XPC: variants seen among roughly 807,000 people sequenced by gnomAD.
XPC encodes XPC complex subunit, DNA damage recognition and repair factor.
XPC carries 76 observed loss-of-function variants against 95.8 expected under a neutral mutation model. The ratio of observed to expected loss-of-function variants is 0.79; its 90% CI spans 0.66 to 0.96. The LOEUF (loss-of-function observed/expected upper bound fraction) is 0.96, where lower values mean the gene tolerates loss of function less well. XPC is among the 40% of genes least tolerant of loss of function. The pLI is 0.00. For missense variants in XPC, 1,146 were observed against 1,179.8 expected (o/e 0.97, Z 0.42); for synonymous variants, 442 against 442.1 (o/e 1.00, Z 0.00).
Position 14,158,747 on chromosome 3 carries a change from G to T in XPC, c.1136C>A (p.Pro379Gln). Residue 379 changes from proline (P) to glutamine (Q), a missense_variant, in exon 9 of 16, where the codon CCA (proline) becomes CAA (glutamine). Physicochemically the swap from Pro to Gln is moderately conservative, Grantham distance 76 (BLOSUM62 -1). Coordinates refer to ENST00000285021, the MANE Select transcript of XPC (RefSeq NM_004628.5). The surrounding 1 kb of genome is among the most constrained non-coding windows in gnomAD (Gnocchi z 5.2). ...EETFAKGTCR[P>Q]SAKGKRNKGG... ...CTTGTTCCTCTTCCCTTTGGCACTT[G>T]GCCTGCAGGTGCCCTTAGCAAAGGT... 1 of 1,613,804 alleles carries T rather than the reference G, an allele frequency of 6.2e-7. No individual in the cohort carries two copies. Among genetic ancestry groups the T allele is most frequent in the Admixed American group, 1.7e-5 (1 of 60,014 alleles).
Position 14,158,256 on chromosome 3 carries a change from C to T in XPC, c.1627G>A (p.Val543Ile). ...EVFCEQEEKW[V>I]CVDCVHGVVG... Reference sequence around the variant, plus strand: ...ACACCGTGCACACAGTCTACACATACCCACTTTTCCTCCTGCTCACAGAAC... The same window carrying T: ...ACACCGTGCACACAGTCTACACATATCCACTTTTCCTCCTGCTCACAGAAC... Residue 543 changes from valine (V) to isoleucine (I), a missense_variant, in exon 9 of 16, where the codon GTA (valine) becomes ATA (isoleucine). By Grantham distance (29) the Val-to-Ile change is conservative. Transcript: ENST00000285021. The surrounding 1 kb of genome is among the most constrained non-coding windows in gnomAD (Gnocchi z 5.2). 1 of 1,614,030 alleles carries T rather than the reference C, an allele frequency of 6.2e-7. No homozygotes were observed. The highest frequency in any genetic ancestry group is 8.5e-7 in the Non-Finnish European group (1 of 1,179,900).
intron 13 of XPC, 130 bp downstream of exon 13, chr3:14,148,432 T>C: frequency 1.6e-6 from 2 of 1,283,792 alleles, no homozygotes; most frequent in Admixed American, 2.8e-5. Context: ...GCAAATCCAG[T>C]GTAACATCCT....
At position 14,178,441 on chromosome 3, in the gene XPC, G is replaced by A. The variant is rs1366435393; in HGVS notation, c.103+25C>T. 5 of 1,582,136 alleles carry A rather than the reference G, an allele frequency of 3.2e-6. No homozygotes were observed. The Admixed American group carries it at 8.8e-5, about 28-fold the overall frequency. On this transcript the variant is annotated intron_variant, in intron 1 of 15. Transcript: ENST00000285021. ...TCCGCCCACCGGCGGCGTCTCCCGC[G>A]AAGCCCGCTGGGCCTCGCTCTCACC...
At chr3:14,173,193 CCT>C (rs1417914345) in intron 1 of XPC, 131 bp from the exon 2 acceptor site, 20 of 862,570 alleles carry the variant, frequency 2.3e-5, no homozygotes, top group Admixed American at 1.8e-4. Context: ...TTCACCATCC[CCT>C]GTCTGGTCAG....
intron 3 of XPC, among the ~76,000 whole-genome samples, chr3:14,169,206 T>C (rs1696512581): frequency 6.6e-6 from 1 of 152,188 alleles, no homozygotes; most frequent in Admixed American, 6.5e-5. Context: ...AAAGGTAGCA[T>C]GACTAGAAGA....
Position 14,167,034 on chromosome 3 carries a change from G to A in XPC, c.621+135C>T, listed in dbSNP as rs1696408115. On this transcript the variant is annotated intron_variant, in intron 5 of 15. Coordinates refer to ENST00000285021, the MANE Select transcript of XPC (RefSeq NM_004628.5). ...CTATTACTACCCCCACCTCCCAGAT[G>A]AGGATGCAAAGGCTCAGAGAGAGTA... 7.6e-6 allele frequency: 5 copies of A among 655,576 alleles called. No homozygotes were observed. The South Asian group carries it at 9.9e-5, about 13-fold the overall frequency. The allele number at this position is 655,576 out of a possible 1,614,324, so 40.6% of individuals were successfully genotyped here.
At chr3:14,174,435 T>TA (rs1348632548) in intron 1 of XPC, among the ~76,000 whole-genome samples, 3 of 152,064 alleles carry the variant, frequency 2.0e-5, no homozygotes, top group African/African-American at 4.8e-5. Context: ...TCTACTAATC[T>TA]AAAAAAATGC....
At position 14,148,122 on chromosome 3, in the gene XPC, C is replaced by T. The variant is rs543293245; in HGVS notation, c.2421-121G>A. The T allele has an allele frequency of 1.1e-5, 9 of 843,716 alleles. No individual in the cohort carries two copies. The East Asian group carries it at 1.4e-4, about 13-fold the overall frequency. The allele number at this position is 843,716 out of a possible 1,614,324, so 52.3% of individuals were successfully genotyped here. On this transcript the variant is annotated intron_variant, in intron 13 of 15. Coordinates refer to ENST00000285021, the MANE Select transcript of XPC (RefSeq NM_004628.5). The stretch of plus-strand genomic sequence containing the variant: ...GCACTAGGGGTCCTGAAGGATGTCG[C>T]GGGTCAGCCAGTGTCCCACATCCTC...
chr3:14,168,530 C>T (rs1559381867), intron 3 of XPC, 150 bp from the exon 4 acceptor site: 3 of 926,802 alleles, frequency 3.2e-6, no homozygotes, highest in Non-Finnish European at 4.8e-6. Flanking sequence ...ATGCCTTGCC[C>T]TGAGTCCTAC....
Position 14,148,683 on chromosome 3 carries a change from T to A in XPC, c.2299A>T (p.Met767Leu). The change falls in exon 13 of 16, where the codon ATG becomes TTG. Residue 767 changes from methionine (M) to leucine (L), a missense_variant. Physicochemically the swap from Met to Leu is conservative, Grantham distance 15. Transcript: ENST00000285021. The stretch of plus-strand genomic sequence containing the variant: ...TTCAGCTGGACACAGCCAATAGGCA[T>A]CATGCTGGGCAGGAAGAGGTACACA... ...GNVYLFLPSM[M>L]PIGCVQLNLP... is the part of the protein sequence containing the mutation. The A allele has an allele frequency of 6.2e-7, 1 of 1,614,030 alleles. No homozygotes were observed. Among genetic ancestry groups the A allele is most frequent in the Non-Finnish European group, 8.5e-7 (1 of 1,179,878 alleles).
In XPC at chr3:14,147,956, C is replaced by A. The variant is rs1251362964; in HGVS notation, c.2466G>T (p.Leu822=). The change falls in exon 14 of 16, where the codon CTG becomes CTT. Residue 822 remains leucine, a synonymous_variant. Coordinates refer to ENST00000285021, the MANE Select transcript of XPC (RefSeq NM_004628.5). ...IVCEEFKDVL[L]TAWENEQAVI... is the part of the protein sequence containing the mutation. ...CTGCCTGCTCATTTTCCCAGGCAGTCAGGAGCACGTCTTTGAATTCCTCGC... is the reference window on the plus strand; with the variant it reads ...CTGCCTGCTCATTTTCCCAGGCAGTAAGGAGCACGTCTTTGAATTCCTCGC... 1.9e-6 allele frequency: 3 copies of A among 1,603,236 alleles called. No individual in the cohort carries two copies. Among genetic ancestry groups the A allele is most frequent in the Non-Finnish European group, 8.5e-7 (1 of 1,174,564 alleles).
At chr3:14,157,867 C>T (rs1695981762) in intron 9 of XPC, 144 bp downstream of exon 9, 3 of 1,232,560 alleles carry the variant, frequency 2.4e-6, no homozygotes, top group Admixed American at 5.3e-5. Context: ...GCAACTGCCC[C>T]AGCTTTATAT....
intron 10 of XPC, among the ~76,000 whole-genome samples, chr3:14,154,337 C>G (rs941209850): frequency 1.1e-4 from 17 of 152,160 alleles, no homozygotes; most frequent in African/African-American, 4.1e-4. Flanking sequence ...TCTTGAAGAG[C>G]TATCTGCACA....
chr3:14,145,984 T>C lies in XPC; in HGVS notation c.2780A>G (p.Lys927Arg), dbSNP rs2125004619. 1 of 1,608,718 alleles carries C rather than the reference T, an allele frequency of 6.2e-7. No individual in the cohort carries two copies. Among genetic ancestry groups the C allele is most frequent in the Non-Finnish European group, 8.5e-7 (1 of 1,176,146 alleles). ...GAACAGGTGGGAAGCTGCTGCTTTCTTTTCCCTTTTGGTCTTCTTGGGCCC... is the reference window on the plus strand; with the variant it reads ...GAACAGGTGGGAAGCTGCTGCTTTCCTTTCCCTTTTGGTCTTCTTGGGCCC... ...KGGPKKTKRE[K>R]KAAASHLFPF... is the part of the protein sequence containing the mutation. The change falls in exon 16 of 16, where the codon AAG (lysine) becomes AGG (arginine). Residue 927 changes from lysine (K) to arginine (R), a missense_variant. By Grantham distance (26) the Lys-to-Arg change is conservative. Transcript: ENST00000285021.
intron 7 of XPC, among the ~76,000 whole-genome samples, chr3:14,161,774 C>T (rs1009460161): frequency 2.6e-5 from 4 of 151,304 alleles, no homozygotes; most frequent in African/African-American, 9.7e-5. Context: ...TGCCTGCTGT[C>T]ACCACCATTA....
At chr3:14,149,024 G>A in intron 11 of XPC, 76 bp from the exon 12 acceptor site, 6 of 1,584,558 alleles carry the variant, frequency 3.8e-6, no homozygotes, top group Non-Finnish European at 5.2e-6. Flanking sequence ...ACCATGCTCA[G>A]TGCCGCATGC....
At chr3:14,155,458 T>A (rs1017580501) in intron 10 of XPC, among the ~76,000 whole-genome samples, 13 of 152,132 alleles carry the variant, frequency 8.5e-5, no homozygotes, top group African/African-American at 2.9e-4. Flanking sequence ...AATTTTAATT[T>A]TATATATATT....
Position 14,156,330 on chromosome 3 carries a change from C to T in XPC, c.2033+5G>A, listed in dbSNP as rs374329989. 5 of 1,608,624 alleles carry T rather than the reference C, an allele frequency of 3.1e-6. No individual in the cohort carries two copies. The highest frequency in any genetic ancestry group is 1.7e-5 in the Admixed American group (1 of 59,166). On this transcript the variant is annotated splice_donor_5th_base_variant and intron_variant, in intron 10 of 15. Transcript: ENST00000285021. Reference sequence around the variant, plus strand: ...CCCTGAGGCCAACCAGGCTGCCTCACGCACCTGGAGTAGACCGCTTCTCCA... The same window carrying T: ...CCCTGAGGCCAACCAGGCTGCCTCATGCACCTGGAGTAGACCGCTTCTCCA...
At chr3:14,168,178 G>A in intron 4 of XPC, 79 bp downstream of exon 4, 4 of 1,497,730 alleles carry the variant, frequency 2.7e-6, no homozygotes, top group South Asian at 2.8e-5. Flanking sequence ...TCCCCTACAA[G>A]TTTCTCCAAA....
Sources: gnomAD v4.1 joint callset for allele counts (sites outside exome capture counted in the v4.1 genomes callset) on GRCh38, gnomAD v4.1.1 for gene constraint, Gnocchi (gnomAD v3.1) non-coding constraint, MANE v1.5 for transcripts, NCBI Gene and HGNC (gene_info 2026-07-23, HGNC 2026-07-21) for gene names.